The following GPHN variants were observed in gnomAD, a reference collection of about 807,000 sequenced individuals.
GPHN encodes gephyrin.
A neutral mutation model predicts 95.5 loss-of-function variants in GPHN; 17 were observed. The observed-to-expected ratio is 0.18, with a 90% CI of 0.12 to 0.27. The LOEUF (loss-of-function observed/expected upper bound fraction) is 0.27, where lower values mean the gene tolerates loss of function less well. Ranked by LOEUF, GPHN falls within the 10% of genes least tolerant of loss-of-function variation. GPHN has a pLI of 1.00. For synonymous variants in GPHN, 320 were observed against 322.5 expected (o/e 0.99, Z 0.08); for missense variants, 660 against 978.1 (o/e 0.67, Z 4.34).
At chr14:66,736,362 T>C (rs963487436) in intron 2 of GPHN, among the ~76,000 whole-genome samples, 20 of 151,882 alleles carry the variant, frequency 1.3e-4, no homozygotes, top group African/African-American at 4.1e-4. Flanking sequence ...TAGATTTTCA[T>C]TGAATTTTTT....
chr14:66,548,382 TG>T (rs2059685683), intron 1 of GPHN, among the ~76,000 whole-genome samples: 1 of 152,082 alleles, frequency 6.6e-6, no homozygotes, highest in African/African-American at 2.4e-5. Flanking sequence ...GGTTTCACCA[TG>T]TTGGCCAGGC....
At chr14:67,100,236 G>A (rs540464697) in intron 12 of GPHN, among the ~76,000 whole-genome samples, 33 of 152,198 alleles carry the variant, frequency 2.2e-4, no homozygotes, top group African/African-American at 7.9e-4. Flanking sequence ...CCATTAACCA[G>A]AAATTGTTCA....
At chr14:66,811,581 G>A (rs1183738050) in intron 3 of GPHN, among the ~76,000 whole-genome samples, 1 of 150,290 alleles carries the variant, frequency 6.7e-6, no homozygotes, top group African/African-American at 2.5e-5. Flanking sequence ...ATAAGAACAG[G>A]TTAAAATATA....
At chr14:67,126,413 C>T (rs1183221209) in intron 17 of GPHN, among the ~76,000 whole-genome samples, 1 of 152,138 alleles carries the variant, frequency 6.6e-6, no homozygotes, top group Non-Finnish European at 1.5e-5. Context: ...TTATAAACCT[C>T]TAGTTTCAAG....
intron 2 of GPHN, among the ~76,000 whole-genome samples, chr14:66,767,695 T>C (rs562115938): frequency 6.8e-4 from 104 of 152,106 alleles, no homozygotes; most frequent in African/African-American, 2.2e-3. Context: ...CCAGTAGATG[T>C]GTGAGCCAGC....
chr14:67,168,339 A>G (rs1311566526), intron 20 of GPHN, among the ~76,000 whole-genome samples: 1 of 152,182 alleles, frequency 6.6e-6, no homozygotes, highest in South Asian at 2.1e-4. Flanking sequence ...TAAAGGCCCT[A>G]TCTCCAAATA....
chr14:67,330,455 ATT>A, the GPHN span, among the ~76,000 whole-genome samples: 681 of 117,734 alleles, frequency 5.8e-3, 4 homozygotes, highest in East Asian at 0.043. Flanking sequence ...ATTTCCCTTC[ATT>A]TTTTTTTTTT....
chr14:66,733,838 A>C (rs550237729), intron 2 of GPHN, among the ~76,000 whole-genome samples: 1 of 152,348 alleles, frequency 6.6e-6, no homozygotes, highest in African/African-American at 2.4e-5. Flanking sequence ...GACATAGTTC[A>C]GGAGGTATTT....
chr14:66,519,265 T>C (rs1390210460), intron 1 of GPHN, among the ~76,000 whole-genome samples: 1 of 152,052 alleles, frequency 6.6e-6, no homozygotes, highest in Non-Finnish European at 1.5e-5. Context: ...AAATTAAGCC[T>C]CATCACATTA....
At chr14:66,585,772 GTTC>G (rs1487780147) in intron 1 of GPHN, among the ~76,000 whole-genome samples, 2 of 150,940 alleles carry the variant, frequency 1.3e-5, no homozygotes, top group African/African-American at 4.9e-5. Context: ...TATAATTTCT[GTTC>G]TTTTACATTT....
chr14:67,708,211 TG>T, the GPHN span, among the ~76,000 whole-genome samples: 1 of 152,166 alleles, frequency 6.6e-6, no homozygotes, highest in Non-Finnish European at 1.5e-5. Flanking sequence ...AAAGTTTTCT[TG>T]ACTCTGAAAA....
At chr14:66,896,221 G>A (rs544933633) in intron 5 of GPHN, among the ~76,000 whole-genome samples, 7 of 152,146 alleles carry the variant, frequency 4.6e-5, no homozygotes, top group African/African-American at 1.7e-4. Context: ...TTAGACAATG[G>A]TAACTATATA....
At chr14:67,460,268 T>C in the GPHN span, among the ~76,000 whole-genome samples, 2 of 152,170 alleles carry the variant, frequency 1.3e-5, no homozygotes, top group Non-Finnish European at 2.9e-5. Flanking sequence ...GATCACCAGA[T>C]GACCCAGGGA....
Position 66,879,970 on chromosome 14 carries a change from C to T in GPHN, c.326C>T (p.Pro109Leu). ...AAAGAAGTAATAGAACGGGAAGCAC[C>T]AGGGATGGCCCTGGCAATGCTGATG... ...ATKEVIEREA[P>L]GMALAMLMGS... Residue 109 changes from proline (P) to leucine (L), a missense_variant, in exon 5 of 23, where the codon CCA becomes CTA. By Grantham distance (98) the Pro-to-Leu change is moderately conservative. Coordinates refer to ENST00000478722, the MANE Select transcript of GPHN (RefSeq NM_020806.5). 5 of 1,610,978 alleles carry T rather than the reference C, an allele frequency of 3.1e-6. No individual in the cohort carries two copies. The highest frequency in any genetic ancestry group is 4.2e-6 in the Non-Finnish European group (5 of 1,177,638).
intron 3 of GPHN, among the ~76,000 whole-genome samples, chr14:66,779,153 A>G (rs987016438): frequency 3.9e-5 from 6 of 152,320 alleles, no homozygotes; most frequent in African/African-American, 1.4e-4. Context: ...CAGTATGTCA[A>G]GTGTTCTAAT....
chr14:66,838,280 A>G (rs530260922), intron 4 of GPHN, among the ~76,000 whole-genome samples: 57 of 152,254 alleles, frequency 3.7e-4, no homozygotes, highest in Non-Finnish European at 1.5e-5. Context: ...TGCTATATAA[A>G]TCTTTGCTAT....
At chr14:67,584,880 G>A in the GPHN span, among the ~76,000 whole-genome samples, 3 of 152,142 alleles carry the variant, frequency 2.0e-5, no homozygotes, top group African/African-American at 4.8e-5. Flanking sequence ...GATGTACAGA[G>A]GTGTTATAAA....
chr14:67,255,574 T>C, the GPHN span, among the ~76,000 whole-genome samples: 3 of 152,216 alleles, frequency 2.0e-5, no homozygotes, highest in African/African-American at 7.2e-5. Flanking sequence ...GAAATTCTTA[T>C]TTTATTGTTG....
chr14:67,437,828 C>T, the GPHN span, among the ~76,000 whole-genome samples: 1 of 152,038 alleles, frequency 6.6e-6, no homozygotes, highest in African/African-American at 2.4e-5. Context: ...TGGTGGGAGG[C>T]AGGTGGACAA....
Sources: allele counts gnomAD v4.1 joint callset (sites outside exome capture counted in the v4.1 genomes callset), GRCh38; gene constraint gnomAD v4.1.1; transcripts MANE v1.5; gene names NCBI Gene and HGNC (gene_info 2026-07-23, HGNC 2026-07-21).